Variants in MRPL34 observed in about 807,000 individuals in gnomAD.
MRPL34 encodes large ribosomal subunit protein bL34m.
In MRPL34, 8 loss-of-function variants were observed where a neutral mutation model predicts 6.7. The observed-to-expected ratio is 1.20, with a 90% CI of 0.70 to 2.16. The LOEUF (loss-of-function observed/expected upper bound fraction) is 2.16. Among genes scored for constraint, MRPL34 ranks in the 30% most tolerant of loss-of-function variants. The pLI, the probability that MRPL34 is intolerant of heterozygous loss-of-function variation, is 0.00. For missense variants in MRPL34, 146 were observed against 125.5 expected (o/e 1.16, Z -0.78); for synonymous variants, 59 against 55.1 (o/e 1.07, Z -0.31).
At chr19:17,294,643 A>G in intron 1 of MRPL34, 2 of 1,610,556 alleles carry the variant, frequency 1.2e-6, no homozygotes, top group African/African-American at 2.7e-5. Flanking sequence ...CGCCAGGGCC[A>G]GGATCACGGT....
chr19:17,295,195 T>C (rs933853605), intron 1 of MRPL34, among the ~76,000 whole-genome samples: 54 of 146,790 alleles, frequency 3.7e-4, no homozygotes, highest in Non-Finnish European at 6.3e-4. Flanking sequence ...AAGCTCCGCT[T>C]CCCGGGTTCA....
upstream of MRPL34, among the ~76,000 whole-genome samples, chr19:17,299,234 A>ACC (rs34604672): frequency 0.25 from 32,547 of 128,008 alleles, 4,485 homozygotes; most frequent in African/African-American, 0.37. Flanking sequence ...ACATAATGAG[A>ACC]CCCCCCCCCC....
chr19:17,302,566 C>A (rs2074125646), upstream of MRPL34, among the ~76,000 whole-genome samples: 1 of 152,184 alleles, frequency 6.6e-6, no homozygotes, highest in African/African-American at 2.4e-5. Context: ...CACAGAAAGC[C>A]TTGCTCAGCT....
At position 17,306,213 on chromosome 19, in the gene MRPL34, T is replaced by TC; in HGVS notation, c.117dup (p.Thr40HisfsTer13). ...CTGGGGTTCCCAGACGCCTGGGGCC[T>TC]CCCCACCCCGCAGCAGGCCCGGGGC... On this transcript the variant is annotated frameshift_variant, in exon 2 of 2. Coordinates refer to ENST00000252602, the MANE Select transcript of MRPL34 (RefSeq NM_023937.4). LOFTEE classifies it high-confidence loss of function. The TC allele has an allele frequency of 1.3e-6, 2 of 1,559,190 alleles. No homozygotes were observed. The highest frequency in any genetic ancestry group is 1.7e-6 in the Non-Finnish European group (2 of 1,152,374).
chr19:17,306,353 A>G lies in MRPL34; in HGVS notation c.253A>G (p.Lys85Glu). ...GCAGGTCATCCTTCGCCGAATGCTC[A>G]AGGGCCGCAAGTCGCTGAGCCATTG... ...GVQVILRRML[K>E]GRKSLSH The change falls in exon 2 of 2, where the codon AAG becomes GAG. Residue 85 changes from lysine to glutamate, a missense_variant. By Grantham distance (56) the Lys-to-Glu change is moderately conservative (BLOSUM62 1). Transcript: ENST00000252602. 6.2e-7 allele frequency: 1 copy of G among 1,605,472 alleles called. No individual in the cohort carries two copies. The highest frequency in any genetic ancestry group is 8.5e-7 in the Non-Finnish European group (1 of 1,177,434).
chr19:17,304,618 G>A (rs62126258), upstream of MRPL34, among the ~76,000 whole-genome samples: 17,826 of 152,116 alleles, frequency 0.12, 1,229 homozygotes, highest in Middle Eastern at 0.18. Context: ...ACTTCTGGGA[G>A]ACTATACAGT....
rs1283071559 is a variant in MRPL34 at position 17,306,521 on chromosome 19, T to C, written c.*142T>C. 4.0e-6 allele frequency: 3 copies of C among 751,428 alleles called. No individual in the cohort carries two copies. In the East Asian group the frequency reaches 8.5e-5, roughly 21 times the overall value. 46.5% of individuals were successfully genotyped at this position (751,428 alleles called of 1,614,324 possible). A position where few individuals can be genotyped will look rare whatever the true frequency, so the allele number is the denominator to read the frequency against. ...CCATATTGTGGGGTTGAAGTCTGGA[T>C]GGGAGCTTGCCAAGTCCCTTTTTAG... On this transcript the variant is annotated 3_prime_UTR_variant, in exon 2 of 2. Transcript: ENST00000252602.
At chr19:17,301,564 G>C (rs1235324616), upstream of MRPL34, 1 of 1,599,150 alleles carries the variant, frequency 6.3e-7, no homozygotes, top group Non-Finnish European at 8.5e-7. Flanking sequence ...CACGGCGTTG[G>C]GGGGCGTGCC....
At chr19:17,299,525 C>A (rs1431424205), upstream of MRPL34, among the ~76,000 whole-genome samples, 1 of 141,124 alleles carries the variant, frequency 7.1e-6, no homozygotes, top group Non-Finnish European at 1.5e-5. Context: ...CACGCCACTG[C>A]ACTCCAGCCT....
Position 17,305,897 on chromosome 19 carries a change from C to T in MRPL34, c.5C>T (p.Ala2Val). ...ACTGCGGGACCCACTGCGGATATGG[C>T]TGTCTTGGCTGGATCCCTGTTGGGC... MAVLAGSLLGPT... is the reference protein window; with the variant it reads MVVLAGSLLGPT... Residue 2 changes from alanine to valine, a missense_variant, in exon 1 of 2, where the codon GCT becomes GTT. By Grantham distance (64) the Ala-to-Val change is moderately conservative. Transcript: ENST00000252602. The T allele has an allele frequency of 6.2e-7, 1 of 1,614,088 alleles. No homozygotes were observed. The highest frequency in any genetic ancestry group is 8.5e-7 in the Non-Finnish European group (1 of 1,179,982).
rs1433650899 is a variant in MRPL34 at position 17,294,588 on chromosome 19, C to T, written c.214+1734C>T. 2.5e-6 allele frequency: 4 copies of T among 1,605,640 alleles called. No homozygotes were observed. The Admixed American group carries it at 5.0e-5, about 20-fold the overall frequency. ...CCCCCGATGCCAGCCCTAGTCCCAGCGGTACAGTCCCCCCTCCCATCCAAC... is the reference window on the plus strand; with the variant it reads ...CCCCCGATGCCAGCCCTAGTCCCAGTGGTACAGTCCCCCCTCCCATCCAAC... On this transcript the variant is annotated intron_variant, in intron 1 of 2. Coordinates refer to the MRPL34 transcript ENST00000595444.
chr19:17,295,868 C>T (rs1433275520), intron 1 of MRPL34, among the ~76,000 whole-genome samples: 1 of 152,148 alleles, frequency 6.6e-6, no homozygotes, highest in East Asian at 1.9e-4. Flanking sequence ...CCACCATGCT[C>T]AGCTAATTTT....
upstream of MRPL34, among the ~76,000 whole-genome samples, chr19:17,300,690 CTG>C (rs2074113240): frequency 6.6e-6 from 1 of 152,100 alleles, no homozygotes; most frequent in Admixed American, 6.5e-5. Flanking sequence ...CTTGGCCAGA[CTG>C]TTCCCGAACT....
chr19:17,293,423 T>G (rs2074079549), intron 1 of MRPL34, among the ~76,000 whole-genome samples: 1 of 124,424 alleles, frequency 8.0e-6, no homozygotes, highest in African/African-American at 3.0e-5. Flanking sequence ...CAACTTCAAC[T>G]CTACCAACAT....
At chr19:17,292,847 G>C in exon 1 of MRPL34, 1 of 1,606,034 alleles carries the variant, frequency 6.2e-7, no homozygotes, top group Non-Finnish European at 8.5e-7. Flanking sequence ...GAAGACGCAG[G>C]GCTCAAGGTA....
intron 1 of MRPL34, chr19:17,296,697 T>G (rs949038805): frequency 7.0e-6 from 1 of 143,220 alleles, no homozygotes; most frequent in Non-Finnish European, 1.6e-5. Flanking sequence ...TAAATAAGGT[T>G]TTTTTTTTTT....
chr19:17,306,109 C>T, intron 1 of MRPL34, 57 bp from the exon 2 acceptor site: 1 of 1,490,534 alleles, frequency 6.7e-7, no homozygotes, highest in Middle Eastern at 2.3e-4. Flanking sequence ...AGAGGTTGAG[C>T]GCCAAGGTCA....
chr19:17,296,006 C>T (rs947647994), intron 1 of MRPL34, among the ~76,000 whole-genome samples: 2 of 151,720 alleles, frequency 1.3e-5, no homozygotes, highest in East Asian at 3.9e-4. Flanking sequence ...CCGTGACACC[C>T]GGCCTGGTGA....
chr19:17,301,619 T>G, upstream of MRPL34: 1 of 1,539,974 alleles, frequency 6.5e-7, no homozygotes, highest in Non-Finnish European at 8.7e-7. Context: ...GTCAGCATGG[T>G]GTGTCCTGTG....
Sources: allele counts gnomAD v4.1 joint callset (sites outside exome capture counted in the v4.1 genomes callset), GRCh38; gene constraint gnomAD v4.1.1; transcripts MANE v1.5; gene names NCBI Gene and HGNC (gene_info 2026-07-23, HGNC 2026-07-21).